The following MAML2 variants were observed in gnomAD, a reference collection of about 807,000 sequenced individuals.
MAML2 encodes the protein mastermind-like protein 2.
MAML2 carries 22 observed loss-of-function variants against 96.1 expected under a neutral mutation model. The ratio of observed to expected loss-of-function variants is 0.23; its 90% CI spans 0.16 to 0.33. MAML2 has a LOEUF of 0.33. MAML2 is among the 10% of genes least tolerant of loss of function. The probability of loss-of-function intolerance (pLI) is 1.00; values close to 1 mark genes in which losing one functional copy is unlikely to be tolerated. For synonymous variants in MAML2, 561 were observed against 521.3 expected (o/e 1.08, Z -1.04); for missense variants, 1,367 against 1,392.4 (o/e 0.98, Z 0.29).
intron 1 of MAML2, among the ~76,000 whole-genome samples, chr11:96,144,044 C>A (rs1860775180): frequency 6.6e-6 from 1 of 152,162 alleles, no homozygotes; most frequent in African/African-American, 2.4e-5. Flanking sequence ...AACAGGACAG[C>A]AATTGAAATG....
In MAML2 at chr11:96,092,647, A is replaced by C. The variant is rs576858370; in HGVS notation, c.1384T>G (p.Ser462Ala). The C allele has an allele frequency of 7.6e-5, 122 of 1,613,146 alleles. No homozygotes were observed. In the East Asian group the frequency reaches 2.6e-3, roughly 34 times the overall value. The change falls in exon 2 of 5, where the codon TCA becomes GCA. Residue 462 changes from serine to alanine, a missense_variant. Physicochemically the swap from Ser to Ala is moderately conservative, Grantham distance 99. Coordinates refer to ENST00000524717, the MANE Select transcript of MAML2 (RefSeq NM_032427.4). The surrounding 1 kb of genome is among the most constrained non-coding windows in gnomAD (Gnocchi z 4.1). ...GGTCCAGCAGAAGAGGGCAAGGCTG[A>C]CCAGTTGGTAGGCTGGTGCTGCTGC... ...HQQQHQPTNW[S>A]ALPSSAGPSP...
At chr11:96,240,764 G>A (rs1181847256) in intron 1 of MAML2, among the ~76,000 whole-genome samples, 1 of 151,934 alleles carries the variant, frequency 6.6e-6, no homozygotes, top group Non-Finnish European at 1.5e-5. Flanking sequence ...AAAACTGCCA[G>A]CAGAAAGGTA....
At chr11:96,156,345 C>T (rs1342007645) in intron 1 of MAML2, among the ~76,000 whole-genome samples, 4 of 152,308 alleles carry the variant, frequency 2.6e-5, no homozygotes, top group Admixed American at 6.5e-5. Flanking sequence ...TCCATGGTTT[C>T]GCTGAAGGTC....
intron 1 of MAML2, among the ~76,000 whole-genome samples, chr11:96,331,432 G>T (rs1863853285): frequency 6.6e-6 from 1 of 152,062 alleles, no homozygotes; most frequent in African/African-American, 2.4e-5. Context: ...TGGAATAGAT[G>T]TCAGGAAAAC....
At chr11:96,004,677 T>C (rs900149213) in intron 2 of MAML2, among the ~76,000 whole-genome samples, 2 of 152,222 alleles carry the variant, frequency 1.3e-5, no homozygotes, top group Non-Finnish European at 2.9e-5. Context: ...AATTTACTAG[T>C]TGTTTTTCTT....
At chr11:96,266,291 C>T (rs1332870781) in intron 1 of MAML2, among the ~76,000 whole-genome samples, 2 of 152,112 alleles carry the variant, frequency 1.3e-5, no homozygotes, top group Non-Finnish European at 2.9e-5. Flanking sequence ...AACATATTGG[C>T]CAGGCGTGGT....
intron 1 of MAML2, among the ~76,000 whole-genome samples, chr11:96,283,520 T>C (rs1863098963): frequency 1.3e-5 from 2 of 152,210 alleles, no homozygotes; most frequent in African/African-American, 4.8e-5. Flanking sequence ...TAATGAATGA[T>C]TCCTTTTGCC....
At chr11:96,175,470 C>T (rs1299637657) in intron 1 of MAML2, among the ~76,000 whole-genome samples, 1 of 152,200 alleles carries the variant, frequency 6.6e-6, no homozygotes, top group Non-Finnish European at 1.5e-5. Context: ...AATCAGAAGA[C>T]GTGGGTTTAC....
chr11:96,032,586 C>CAAAA (rs59167571), intron 2 of MAML2, among the ~76,000 whole-genome samples: 10 of 91,388 alleles, frequency 1.1e-4, no homozygotes, highest in East Asian at 6.4e-4. Flanking sequence ...GAGTCTGTCT[C>CAAAA]AAAAAAAAAA....
chr11:96,086,318 C>A (rs1859612648), intron 2 of MAML2, among the ~76,000 whole-genome samples: 1 of 152,130 alleles, frequency 6.6e-6, no homozygotes, highest in African/African-American at 2.4e-5. Flanking sequence ...GAAACTCTAA[C>A]AGTAATCCTG....
chr11:96,240,902 A>T (rs1439998419), intron 1 of MAML2, among the ~76,000 whole-genome samples: 4 of 152,178 alleles, frequency 2.6e-5, no homozygotes. Flanking sequence ...ATTCTCCTGA[A>T]ATAGCACTCA....
At chr11:96,277,241 T>G (rs926722757) in intron 1 of MAML2, among the ~76,000 whole-genome samples, 1 of 152,194 alleles carries the variant, frequency 6.6e-6, no homozygotes, top group African/African-American at 2.4e-5. Context: ...TTTTTTTCTT[T>G]TATTGATACA....
intron 1 of MAML2, among the ~76,000 whole-genome samples, chr11:96,201,877 C>T (rs1373553688): frequency 6.6e-6 from 1 of 151,198 alleles, no homozygotes; most frequent in Non-Finnish European, 1.5e-5. Context: ...CAATATCATG[C>T]CACCACACTC....
intron 1 of MAML2, among the ~76,000 whole-genome samples, chr11:96,183,774 A>G (rs768513692): frequency 3.3e-5 from 5 of 152,174 alleles, no homozygotes; most frequent in Non-Finnish European, 7.4e-5. Context: ...TTGTGAAGAA[A>G]TTACAGAGTT....
At chr11:96,247,391 T>G (rs947903711) in intron 1 of MAML2, among the ~76,000 whole-genome samples, 7 of 152,040 alleles carry the variant, frequency 4.6e-5, no homozygotes, top group African/African-American at 1.7e-4. Context: ...CACTCTTGCT[T>G]AACATCTTAT....
chr11:96,061,905 A>C (rs1177668665), intron 2 of MAML2, among the ~76,000 whole-genome samples: 1 of 152,136 alleles, frequency 6.6e-6, no homozygotes, highest in African/African-American at 2.4e-5. Flanking sequence ...AAGGTGAATC[A>C]GATGTTTAAC....
intron 1 of MAML2, among the ~76,000 whole-genome samples, chr11:96,265,067 G>A (rs192953953): frequency 1.3e-5 from 2 of 152,244 alleles, no homozygotes; most frequent in East Asian, 3.9e-4. Context: ...ACTAAACCAT[G>A]TTATTTATTC....
At chr11:96,121,903 C>T (rs1329556617) in intron 1 of MAML2, among the ~76,000 whole-genome samples, 2 of 141,594 alleles carry the variant, frequency 1.4e-5, no homozygotes, top group Non-Finnish European at 3.0e-5. Flanking sequence ...TCTGCTGCTC[C>T]AGCCTCCCTA....
intron 1 of MAML2, among the ~76,000 whole-genome samples, chr11:96,338,880 G>A (rs781495941): frequency 2.6e-5 from 4 of 152,164 alleles, no homozygotes; most frequent in East Asian, 1.9e-4. Flanking sequence ...AGAGGAGCCC[G>A]AGTAAAGTGA....
Sources: allele counts gnomAD v4.1 joint callset (sites outside exome capture counted in the v4.1 genomes callset), GRCh38; gene constraint gnomAD v4.1.1; non-coding constraint Gnocchi (gnomAD v3.1); transcripts MANE v1.5; gene names NCBI Gene and HGNC (gene_info 2026-07-23, HGNC 2026-07-21).